The following STARD13 variants were observed in gnomAD, a reference collection of about 807,000 sequenced individuals.
The protein encoded by STARD13 is stAR-related lipid transfer protein 13.
Under a neutral mutation model 106.4 loss-of-function variants are expected in STARD13, and 62 were observed. The observed-to-expected ratio is 0.58, with a 90% CI of 0.48 to 0.72. The LOEUF is 0.72. Among genes scored for constraint, STARD13 ranks in the 30% least tolerant of loss-of-function variants. The probability of loss-of-function intolerance (pLI) is 0.00; values close to 1 mark genes in which losing one functional copy is unlikely to be tolerated. For missense variants in STARD13, 1,387 were observed against 1,424.0 expected (o/e 0.97, Z 0.42); for synonymous variants, 565 against 553.0 (o/e 1.02, Z -0.31).
At chr13:33,108,933 G>A (rs536351654) in intron 12 of STARD13, among the ~76,000 whole-genome samples, 37 of 152,348 alleles carry the variant, frequency 2.4e-4, no homozygotes, top group African/African-American at 7.7e-4. Flanking sequence ...TCCCAAGGAA[G>A]CAGAGATAAA....
chr13:33,179,317 T>C (rs1028982200), intron 1 of STARD13, among the ~76,000 whole-genome samples: 3 of 152,202 alleles, frequency 2.0e-5, no homozygotes, highest in Non-Finnish European at 4.4e-5. Context: ...GGTAGGTTAA[T>C]TCTAGCATAC....
chr13:33,566,164 A>G, the STARD13 span, among the ~76,000 whole-genome samples: 2 of 148,540 alleles, frequency 1.3e-5, no homozygotes, highest in African/African-American at 2.5e-5. Flanking sequence ...GGGTGAGTAC[A>G]GTACAATAAA....
chr13:33,602,343 G>C, the STARD13 span, among the ~76,000 whole-genome samples: 325 of 152,212 alleles, frequency 2.1e-3, 1 homozygote, highest in African/African-American at 7.4e-3. Context: ...CGCCTGCCTT[G>C]GCCTCCCAAA....
the STARD13 span, among the ~76,000 whole-genome samples, chr13:33,584,777 T>C: frequency 6.6e-6 from 1 of 151,690 alleles, no homozygotes; most frequent in Non-Finnish European, 1.5e-5. Flanking sequence ...TGGGAGCGGA[T>C]TTCTCATGAA....
chr13:33,557,370 C>G, the STARD13 span, among the ~76,000 whole-genome samples: 16 of 152,084 alleles, frequency 1.1e-4, no homozygotes, highest in Admixed American at 2.6e-4. Flanking sequence ...GCATAATACT[C>G]TTGTATAAAT....
At chr13:33,394,073 G>A in the STARD13 span, among the ~76,000 whole-genome samples, 2 of 152,178 alleles carry the variant, frequency 1.3e-5, no homozygotes, top group African/African-American at 4.8e-5. Context: ...GCATAGTAAA[G>A]AAAGGCTGTA....
chr13:33,106,958 CAG>C (rs749983914), intron 12 of STARD13, 24 bp from the exon 13 acceptor site: 3 of 1,599,864 alleles, frequency 1.9e-6, no homozygotes, highest in African/African-American at 2.7e-5. Context: ...ATCCGCACAT[CAG>C]AGTCATGACT....
At chr13:33,433,040 G>A in the STARD13 span, among the ~76,000 whole-genome samples, 331 of 152,194 alleles carry the variant, frequency 2.2e-3, 2 homozygotes, top group Non-Finnish European at 3.4e-3. Context: ...TCCAAATCAT[G>A]GAACAAATGA....
intron 3 of STARD13, among the ~76,000 whole-genome samples, chr13:33,161,356 C>A (rs891467361): frequency 3.3e-5 from 5 of 151,806 alleles, no homozygotes; most frequent in African/African-American, 1.2e-4. Context: ...GCTCTATTAC[C>A]TAGGCTGGAG....
intron 8 of STARD13, among the ~76,000 whole-genome samples, chr13:33,114,493 G>T (rs1875083884): frequency 1.3e-5 from 2 of 152,188 alleles, no homozygotes; most frequent in Admixed American, 1.3e-4. Flanking sequence ...TATACCTGGG[G>T]TTTACAGAGA....
the STARD13 span, among the ~76,000 whole-genome samples, chr13:33,617,707 C>G: frequency 6.6e-6 from 1 of 152,180 alleles, no homozygotes; most frequent in Non-Finnish European, 1.5e-5. Context: ...TCTTAGAATT[C>G]TGCCTATGAC....
chr13:33,660,817 C>G, the STARD13 span, among the ~76,000 whole-genome samples: 2 of 152,138 alleles, frequency 1.3e-5, no homozygotes, highest in Non-Finnish European at 2.9e-5. Context: ...CTCCTAGCCT[C>G]GAATGATCCT....
chr13:33,377,618 G>GAC, the STARD13 span, among the ~76,000 whole-genome samples: 36 of 138,210 alleles, frequency 2.6e-4, no homozygotes, highest in South Asian at 1.1e-3. Flanking sequence ...TCTCCCCCAG[G>GAC]ACACACACAC....
chr13:33,491,952 G>A, the STARD13 span, among the ~76,000 whole-genome samples: 17 of 152,238 alleles, frequency 1.1e-4, no homozygotes, highest in South Asian at 4.1e-4. Flanking sequence ...GGCTGAGTCC[G>A]AAAAGAGAGT....
Position 33,242,181 on chromosome 13 carries a change from C to T in STARD13, c.169+43289G>A, listed in dbSNP as rs550633325. ...CCGTCTGAGAAGTGAGGAGCCCCTCCGCCCAGCAGCCGCCCCATCCGGGAG... is the reference window on the plus strand; with the variant it reads ...CCGTCTGAGAAGTGAGGAGCCCCTCTGCCCAGCAGCCGCCCCATCCGGGAG... On this transcript the variant is annotated intron_variant, in intron 1 of 13. Coordinates refer to ENST00000336934, the MANE Select transcript of STARD13 (RefSeq NM_178006.4). 2.7e-4 allele frequency among the ~76,000 whole-genome samples: 41 copies of T among 152,274 alleles called. No homozygotes were observed. The South Asian group carries it at 2.7e-3, about 10-fold the overall frequency.
intron 4 of STARD13, among the ~76,000 whole-genome samples, chr13:33,136,177 T>C (rs770921298): frequency 3.9e-5 from 6 of 152,054 alleles, no homozygotes; most frequent in Non-Finnish European, 7.4e-5. Context: ...TTGTTCAAAG[T>C]GTGCATATAG....
At chr13:33,640,954 A>C in the STARD13 span, among the ~76,000 whole-genome samples, 1 of 152,244 alleles carries the variant, frequency 6.6e-6, no homozygotes, top group South Asian at 2.1e-4. Context: ...TAATGTGTAT[A>C]CACAGGAGCC....
the STARD13 span, among the ~76,000 whole-genome samples, chr13:33,384,154 T>TG: frequency 6.6e-6 from 1 of 152,184 alleles, no homozygotes; most frequent in Admixed American, 6.5e-5. Flanking sequence ...TCTTGTACAA[T>TG]GAGGTCTGAT....
At chr13:33,147,324 A>G (rs1880681557) in intron 3 of STARD13, among the ~76,000 whole-genome samples, 1 of 152,188 alleles carries the variant, frequency 6.6e-6, no homozygotes, top group South Asian at 2.1e-4. Context: ...AGCTGGCCCT[A>G]ATCTTCCACC....
Sources: gnomAD v4.1 joint callset for allele counts (sites outside exome capture counted in the v4.1 genomes callset) on GRCh38, gnomAD v4.1.1 for gene constraint, MANE v1.5 for transcripts, NCBI Gene and HGNC (gene_info 2026-07-23, HGNC 2026-07-21) for gene names.